The following DIAPH2 variants were observed in gnomAD, a reference collection of about 807,000 sequenced individuals.
DIAPH2 encodes protein diaphanous homolog 2.
DIAPH2 carries 35 observed loss-of-function variants against 92.7 expected under a neutral mutation model. The observed-to-expected ratio is 0.38, with a 90% CI of 0.29 to 0.50. The LOEUF is 0.50. Ranked by LOEUF, DIAPH2 falls within the 20% of genes least tolerant of loss-of-function variation. The pLI, the probability that DIAPH2 is intolerant of heterozygous loss-of-function variation, is 0.94. For synonymous variants in DIAPH2, 301 were observed against 280.4 expected, an observed-to-expected ratio of 1.07 and a Z score of -0.73; for missense variants, 701 against 819.5, an observed-to-expected ratio of 0.86 and a Z score of 1.77.
intron 16 of DIAPH2, among the ~76,000 whole-genome samples, chrX:96,959,781 G>A (rs1466917307): frequency 9.0e-6 from 1 of 111,203 alleles, no homozygotes; most frequent in African/African-American, 3.3e-5. Context: ...TCAATGTTGA[G>A]TCCATTTTTA....
At chrX:97,320,456 G>A (rs2068882667) in intron 23 of DIAPH2, among the ~76,000 whole-genome samples, 1 of 111,081 alleles carries the variant, frequency 9.0e-6, no homozygotes, top group African/African-American at 3.3e-5. Flanking sequence ...GCTCTTGGCT[G>A]TAATCCCAGC....
intron 4 of DIAPH2, among the ~76,000 whole-genome samples, chrX:96,861,939 C>G (rs888438424): frequency 8.9e-6 from 1 of 112,214 alleles, no homozygotes; most frequent in African/African-American, 3.2e-5. Flanking sequence ...GGAACACTCT[C>G]CGTTACTTGT....
At chrX:97,213,311 G>T (rs756572913) in intron 22 of DIAPH2, among the ~76,000 whole-genome samples, 1 of 111,703 alleles carries the variant, frequency 9.0e-6, no homozygotes, top group East Asian at 2.8e-4. Flanking sequence ...AGGAAAGACT[G>T]CTTCTTTCCT....
chrX:96,983,169 A>G (rs2066008727), intron 17 of DIAPH2, among the ~76,000 whole-genome samples: 1 of 111,419 alleles, frequency 9.0e-6, no homozygotes, highest in Admixed American at 9.6e-5. Context: ...TCTAATTAGT[A>G]GAGCATAATA....
At chrX:97,390,787 A>G (rs1278146221) in intron 25 of DIAPH2, among the ~76,000 whole-genome samples, 1 of 111,835 alleles carries the variant, frequency 8.9e-6, no homozygotes, top group Admixed American at 9.5e-5. Context: ...ATGTATTTTC[A>G]TTTGCTAATA....
intron 21 of DIAPH2, among the ~76,000 whole-genome samples, chrX:97,131,500 G>A (rs991301108): frequency 9.0e-6 from 1 of 111,563 alleles, no homozygotes; most frequent in South Asian, 3.7e-4. Flanking sequence ...TAGACAGAGC[G>A]AATGAGTCCT....
intron 26 of DIAPH2, among the ~76,000 whole-genome samples, chrX:97,444,386 A>T (rs2070289294): frequency 9.0e-6 from 1 of 111,689 alleles, no homozygotes; most frequent in African/African-American, 3.3e-5. Flanking sequence ...ATGAAAAACA[A>T]AAACAAGGGT....
chrX:96,829,532 C>T (rs78274705), intron 4 of DIAPH2, among the ~76,000 whole-genome samples: 11,236 of 109,126 alleles, frequency 0.1, 537 homozygotes, highest in East Asian at 0.33. Context: ...CTCGCTCTGT[C>T]GCCCAGGCTA....
intron 5 of DIAPH2, among the ~76,000 whole-genome samples, chrX:96,896,132 G>C (rs2065343354): frequency 9.0e-6 from 1 of 111,321 alleles, no homozygotes; most frequent in African/African-American, 3.3e-5. Flanking sequence ...AAAACAGAAA[G>C]AAAGTATATT....
chrX:96,693,516 G>T (rs190961953), intron 1 of DIAPH2, among the ~76,000 whole-genome samples: 4,192 of 111,978 alleles, frequency 0.037, 93 homozygotes, highest in Non-Finnish European at 0.057. Context: ...CACTTGCATT[G>T]TGAGCTTTAA....
intron 26 of DIAPH2, among the ~76,000 whole-genome samples, chrX:97,565,637 T>C (rs1011378028): frequency 8.9e-6 from 1 of 112,373 alleles, no homozygotes; most frequent in East Asian, 2.8e-4. Flanking sequence ...TCAGGTATGA[T>C]ACTTTGCTTT....
chrX:97,189,152 T>TA (rs1209816026), intron 22 of DIAPH2, among the ~76,000 whole-genome samples: 3 of 111,591 alleles, frequency 2.7e-5, no homozygotes, highest in Non-Finnish European at 5.6e-5. Flanking sequence ...AGAGAAAAGC[T>TA]GGGCAAATAA....
intron 26 of DIAPH2, among the ~76,000 whole-genome samples, chrX:97,507,625 A>G (rs912409777): frequency 8.9e-6 from 1 of 112,043 alleles, no homozygotes; most frequent in Non-Finnish European, 1.9e-5. Flanking sequence ...AGTTAAAACA[A>G]TGAGTTAGTT....
chrX:96,765,310 A>G (rs1456948986), intron 4 of DIAPH2, among the ~76,000 whole-genome samples: 1 of 101,511 alleles, frequency 9.9e-6, no homozygotes, highest in African/African-American at 3.8e-5. Context: ...CCATCCTCCC[A>G]CCTTAGCCTC....
At chrX:97,586,899 G>A (rs747887779) in intron 26 of DIAPH2, among the ~76,000 whole-genome samples, 1 of 111,929 alleles carries the variant, frequency 8.9e-6, no homozygotes, top group African/African-American at 3.2e-5. Context: ...TTTCATTTTG[G>A]TATCAGGGGA....
chrX:97,160,101 G>A (rs1263806584), intron 22 of DIAPH2, among the ~76,000 whole-genome samples: 1 of 109,191 alleles, frequency 9.2e-6, no homozygotes, highest in African/African-American at 3.3e-5. Context: ...AGACGGGGGC[G>A]GGGCGGGGTG....
At chrX:97,521,956 A>C (rs918777312) in intron 26 of DIAPH2, among the ~76,000 whole-genome samples, 1 of 112,032 alleles carries the variant, frequency 8.9e-6, no homozygotes, top group Non-Finnish European at 1.9e-5. Context: ...ACTCTTACCA[A>C]ACAGACTTTA....
intron 1 of DIAPH2, among the ~76,000 whole-genome samples, chrX:96,696,970 A>G (rs960508598): frequency 9.0e-6 from 1 of 111,668 alleles, no homozygotes; most frequent in Non-Finnish European, 1.9e-5. Flanking sequence ...CATAAGTCCC[A>G]TCGTGGGTAG....
chrX:97,077,205 G>T (rs2066711152), intron 19 of DIAPH2, among the ~76,000 whole-genome samples: 1 of 111,293 alleles, frequency 9.0e-6, no homozygotes, highest in Admixed American at 9.6e-5. Flanking sequence ...ATGCTCCTGG[G>T]TAGAAATAAT....
Sources: allele counts gnomAD v4.1 joint callset (sites outside exome capture counted in the v4.1 genomes callset), GRCh38; gene constraint gnomAD v4.1.1; transcripts MANE v1.5; gene names NCBI Gene and HGNC (gene_info 2026-07-23, HGNC 2026-07-21).